TMEM50A: variants seen among roughly 807,000 people sequenced by gnomAD.
The protein encoded by TMEM50A is transmembrane protein 50A.
A neutral mutation model predicts 23.9 loss-of-function variants in TMEM50A; 8 were observed. That is an observed-to-expected ratio of 0.33 (90% CI 0.20 to 0.60). The LOEUF (loss-of-function observed/expected upper bound fraction) is 0.60, where lower values mean the gene tolerates loss of function less well. Ranked by LOEUF, TMEM50A falls within the 20% of genes least tolerant of loss-of-function variation. The probability of loss-of-function intolerance (pLI) is 0.81; values close to 1 mark genes in which losing one functional copy is unlikely to be tolerated. For missense variants in TMEM50A, 178 were observed against 192.7 expected (o/e 0.92, Z 0.45); for synonymous variants, 55 against 60.4 (o/e 0.91, Z 0.41).
At chr1:25,350,513 C>T (rs28462063) in intron 3 of TMEM50A, among the ~76,000 whole-genome samples, 1 of 152,128 alleles carries the variant, frequency 6.6e-6, no homozygotes, top group African/African-American at 2.4e-5. Context: ...CTCAGCCTCC[C>T]AAGTAGCTAG....
At chr1:25,352,817 CT>C in intron 4 of TMEM50A, 64 bp from the exon 5 acceptor site, 1 of 1,371,202 alleles carries the variant, frequency 7.3e-7, no homozygotes, top group Non-Finnish European at 9.8e-7. Flanking sequence ...GTTTTATTTT[CT>C]TTTTGAAAGT....
At chr1:25,357,650 T>TG (rs1557589192) in intron 6 of TMEM50A, among the ~76,000 whole-genome samples, 8 of 99,136 alleles carry the variant, frequency 8.1e-5, no homozygotes, top group Non-Finnish European at 1.2e-4. Flanking sequence ...GTGTGTGTGT[T>TG]GTTTTGAGAC....
chr1:25,346,313 A>T (rs3093599), intron 3 of TMEM50A, among the ~76,000 whole-genome samples: 14,836 of 151,660 alleles, frequency 0.098, 1,019 homozygotes, highest in Non-Finnish European at 0.15. Flanking sequence ...ACAAGGTTTG[A>T]GGGAGGCACA....
chr1:25,356,254 T>G (rs76912680), intron 5 of TMEM50A, among the ~76,000 whole-genome samples: 1,736 of 152,298 alleles, frequency 0.011, 36 homozygotes, highest in African/African-American at 0.04. Context: ...AGGTCTCTGC[T>G]GCCCAGTTGC....
rs143943501 is a variant in TMEM50A at position 25,342,258 on chromosome 1, T to A, written c.94-703T>A. Among the ~76,000 whole-genome samples the A allele has an allele frequency of 2.5e-3, 383 of 152,336 alleles. 2 individuals carry two copies. Among genetic ancestry groups the A allele is most frequent in the African/African-American group, 8.7e-3 (363 of 41,578 alleles). Reference sequence around the variant, plus strand: ...GATAGGAAAGGAAAGGGGGTTACTTTTAAAATCTTCTAGGCTACTTGTCAG... The same window carrying A: ...GATAGGAAAGGAAAGGGGGTTACTTATAAAATCTTCTAGGCTACTTGTCAG... On this transcript the variant is annotated intron_variant, in intron 2 of 6. Coordinates refer to ENST00000374358, the MANE Select transcript of TMEM50A (RefSeq NM_014313.4).
chr1:25,340,751 G>A (rs1389419091), intron 2 of TMEM50A, among the ~76,000 whole-genome samples, 172 bp downstream of exon 2: 1 of 152,142 alleles, frequency 6.6e-6, no homozygotes, highest in Non-Finnish European at 1.5e-5. Flanking sequence ...AAGAGTTTAT[G>A]GTTTAAAATT....
intron 3 of TMEM50A, among the ~76,000 whole-genome samples, chr1:25,348,048 G>T (rs956650810): frequency 2.0e-5 from 3 of 152,206 alleles, no homozygotes; most frequent in Non-Finnish European, 2.9e-5. Context: ...GGGAATTATA[G>T]CTGTATATGA....
chr1:25,342,709 C>A (rs539400268), intron 2 of TMEM50A: 1 of 227,734 alleles, frequency 4.4e-6, no homozygotes, highest in Non-Finnish European at 8.6e-6. Context: ...AATTAGATTA[C>A]AAGGCTTTAT....
At chr1:25,352,723 A>G (rs759665268) in intron 4 of TMEM50A, among the ~76,000 whole-genome samples, 159 bp from the exon 5 acceptor site, 6 of 152,164 alleles carry the variant, frequency 3.9e-5, no homozygotes, top group Non-Finnish European at 8.8e-5. Context: ...GCCAACAGGT[A>G]CACTGATGAA....
At chr1:25,342,912 T>G in intron 2 of TMEM50A, 49 bp from the exon 3 acceptor site, 10 of 1,497,822 alleles carry the variant, frequency 6.7e-6, no homozygotes, top group African/African-American at 1.4e-5. Context: ...TTTTAGCCAG[T>G]GAGATACAGA....
intron 2 of TMEM50A, 73 bp from the exon 3 acceptor site, chr1:25,342,888 C>A: frequency 7.9e-7 from 1 of 1,269,994 alleles, no homozygotes; most frequent in Non-Finnish European, 1.1e-6. Flanking sequence ...GATCTCCTCA[C>A]TTAAATACCT....
At chr1:25,359,134 C>G (rs1645367571) in intron 6 of TMEM50A, among the ~76,000 whole-genome samples, 1 of 152,092 alleles carries the variant, frequency 6.6e-6, no homozygotes, top group African/African-American at 2.4e-5. Flanking sequence ...CCCCATAGAG[C>G]ATGCAGGCAG....
At chr1:25,349,138 C>T (rs1051101488) in intron 3 of TMEM50A, among the ~76,000 whole-genome samples, 5 of 152,202 alleles carry the variant, frequency 3.3e-5, no homozygotes, top group African/African-American at 4.8e-5. Context: ...CAGCTCTGTC[C>T]GCTAAGAGTG....
At chr1:25,338,580 A>C (rs1359338969) in intron 1 of TMEM50A, 124 bp downstream of exon 1, 5 of 152,520 alleles carry the variant, frequency 3.3e-5, no homozygotes, top group Non-Finnish European at 7.3e-5. Context: ...CCCTCCCGGA[A>C]GCCGCAGACC....
At position 25,340,588 on chromosome 1, in the gene TMEM50A, C is replaced by T. The variant is rs752322739; in HGVS notation, c.93+9C>T. The T allele has an allele frequency of 1.3e-5, 21 of 1,605,912 alleles. No individual in the cohort carries two copies. Among genetic ancestry groups the T allele is most frequent in the Admixed American group, 1.7e-5 (1 of 58,894 alleles). On this transcript the variant is annotated intron_variant, in intron 2 of 6. Coordinates refer to ENST00000374358, the MANE Select transcript of TMEM50A (RefSeq NM_014313.4). Reference sequence around the variant, plus strand: ...TTGCTGCTGGTGTACTAGTAAGTGTCATTGATTATTTGGGCCTTATTTTTT... The same window carrying T: ...TTGCTGCTGGTGTACTAGTAAGTGTTATTGATTATTTGGGCCTTATTTTTT...
chr1:25,357,321 A>G (rs1645343273), intron 6 of TMEM50A, among the ~76,000 whole-genome samples: 1 of 152,214 alleles, frequency 6.6e-6, no homozygotes, highest in African/African-American at 2.4e-5. Context: ...CCTTTCAATT[A>G]CAAATGAAAA....
At chr1:25,360,019 T>C (rs1278631964) in intron 6 of TMEM50A, among the ~76,000 whole-genome samples, 5 of 152,132 alleles carry the variant, frequency 3.3e-5, no homozygotes, top group African/African-American at 1.2e-4. Context: ...TTTATAGCCC[T>C]GGCACCAAAA....
At chr1:25,359,813 GT>G (rs1459517441) in intron 6 of TMEM50A, among the ~76,000 whole-genome samples, 5 of 151,008 alleles carry the variant, frequency 3.3e-5, no homozygotes, top group Admixed American at 3.3e-4. Context: ...TCAAACCCCT[GT>G]TTTTCCACAA....
At chr1:25,351,348 A>G (rs1236687831) in intron 3 of TMEM50A, among the ~76,000 whole-genome samples, 1 of 151,902 alleles carries the variant, frequency 6.6e-6, no homozygotes, top group African/African-American at 2.4e-5. Context: ...TCTCTACAAA[A>G]ATTTTTAAAA....
Sources: gnomAD v4.1 joint callset for allele counts (sites outside exome capture counted in the v4.1 genomes callset) on GRCh38, gnomAD v4.1.1 for gene constraint, MANE v1.5 for transcripts, NCBI Gene and HGNC (gene_info 2026-07-23, HGNC 2026-07-21) for gene names.